Variants in ZBTB1 observed in about 807,000 individuals in gnomAD.
ZBTB1 encodes zinc finger and BTB domain containing 1, also known as zinc finger and BTB domain-containing protein 1.
A neutral mutation model predicts 51.6 loss-of-function variants in ZBTB1; 13 were observed. The observed-to-expected ratio is 0.25, with a 90% CI of 0.16 to 0.40. The LOEUF is 0.40. Ranked by LOEUF, ZBTB1 falls within the 10% of genes least tolerant of loss-of-function variation. The pLI is 1.00. For missense variants in ZBTB1, 567 were observed against 856.5 expected (o/e 0.66, Z 4.22); for synonymous variants, 240 against 282.2 (o/e 0.85, Z 1.50).
chr14:64,519,193 G>T (rs1317011841), intron 1 of ZBTB1, among the ~76,000 whole-genome samples: 2 of 146,772 alleles, frequency 1.4e-5, no homozygotes, highest in Non-Finnish European at 1.5e-5. Flanking sequence ...TTGTCACCCA[G>T]GCTGGAGTGT....
At chr14:64,507,122 A>G (rs773256382) in intron 1 of ZBTB1, among the ~76,000 whole-genome samples, 1 of 152,218 alleles carries the variant, frequency 6.6e-6, no homozygotes, top group Non-Finnish European at 1.5e-5. Flanking sequence ...AGAGGAAACT[A>G]TTTGGTATAG....
intron 1 of ZBTB1, among the ~76,000 whole-genome samples, chr14:64,513,950 G>C (rs1315937283): frequency 6.6e-6 from 1 of 152,142 alleles, no homozygotes; most frequent in Non-Finnish European, 1.5e-5. Context: ...ATGAGCCACC[G>C]CACCGGCCTC....
intron 1 of ZBTB1, among the ~76,000 whole-genome samples, chr14:64,509,601 A>G (rs550496530): frequency 6.6e-6 from 1 of 152,218 alleles, no homozygotes; most frequent in Admixed American, 6.5e-5. Flanking sequence ...TATGATTGTG[A>G]TGTTTTCAGG....
Position 64,523,523 on chromosome 14 carries a change from T to C in ZBTB1, c.2019T>C (p.Asn673=). Reference sequence around the variant, plus strand: ...AGGTCTGCTTTCAGATATTCCCAAATAATGAACAGTTGGAGCAGCACATGG... The same window carrying C: ...AGGTCTGCTTTCAGATATTCCCAAACAATGAACAGTTGGAGCAGCACATGG... ...ICQVCFQIFP[N]NEQLEQHMDV... The change falls in exon 2 of 2, where the codon AAT becomes AAC. Residue 673 remains asparagine, a synonymous_variant. Coordinates refer to ENST00000683701, the MANE Select transcript of ZBTB1 (RefSeq NM_001123329.2). The surrounding 1 kb of genome is among the most constrained non-coding windows in gnomAD (Gnocchi z 4.5). The C allele has an allele frequency of 6.3e-7, 1 of 1,593,404 alleles. No individual in the cohort carries two copies. Among genetic ancestry groups the C allele is most frequent in the Non-Finnish European group, 8.6e-7 (1 of 1,169,222 alleles).
At chr14:64,520,205 G>A (rs573078721) in intron 1 of ZBTB1, among the ~76,000 whole-genome samples, 1 of 152,182 alleles carries the variant, frequency 6.6e-6, no homozygotes, top group East Asian at 1.9e-4. Flanking sequence ...AGGTTTCACT[G>A]TGTTAGCCAG....
intron 1 of ZBTB1, chr14:64,514,359 A>C (rs1388626404): frequency 6.6e-6 from 1 of 152,216 alleles, no homozygotes; most frequent in Non-Finnish European, 1.5e-5. Context: ...ATCATCTTCA[A>C]ATGCCTCATT....
At chr14:64,526,228 A>G (rs1354388787), downstream of ZBTB1, among the ~76,000 whole-genome samples, 1 of 152,094 alleles carries the variant, frequency 6.6e-6, no homozygotes, top group Non-Finnish European at 1.5e-5. Context: ...AATTCTTATC[A>G]AGGCAAAAAG....
intron 1 of ZBTB1, among the ~76,000 whole-genome samples, chr14:64,512,175 C>T (rs1249618290): frequency 6.6e-6 from 1 of 152,078 alleles, no homozygotes; most frequent in Non-Finnish European, 1.5e-5. Flanking sequence ...TTTAAGAGTC[C>T]TCTGAGAAGT....
In ZBTB1 at chr14:64,524,883, T is replaced by C; in HGVS notation, c.*1237T>C. On this transcript the variant is annotated 3_prime_UTR_variant, in exon 2 of 2. Coordinates refer to ENST00000683701, the MANE Select transcript of ZBTB1 (RefSeq NM_001123329.2). ...TGTTAGTTGTTGCTGACACAGGGTC[T>C]ACATAATTACATGTGAATTAAAACA... The C allele has an allele frequency of 1.0e-6, 1 of 985,400 alleles. No individual in the cohort carries two copies. Among genetic ancestry groups the C allele is most frequent in the African/African-American group, 1.7e-5 (1 of 57,366 alleles). The allele number at this position is 985,400 out of a possible 1,614,324, so 61.0% of individuals were successfully genotyped here.
chr14:64,530,819 T>TTTGG (rs2079937026), intron 2 of ZBTB1, among the ~76,000 whole-genome samples: 8 of 152,296 alleles, frequency 5.3e-5, no homozygotes, highest in Admixed American at 5.2e-4. Flanking sequence ...AAAGCCATTA[T>TTTGG]AATTTCTCAT....
intron 1 of ZBTB1, among the ~76,000 whole-genome samples, chr14:64,515,453 G>T (rs12589947): frequency 0.17 from 26,140 of 151,290 alleles, 2,589 homozygotes; most frequent in Non-Finnish European, 0.22. Flanking sequence ...TCAAAAAAAT[G>T]AAAAAAGAGC....
At chr14:64,521,377 A>C in intron 1 of ZBTB1, 110 bp from the exon 2 acceptor site, 1 of 732,568 alleles carries the variant, frequency 1.4e-6, no homozygotes, top group Non-Finnish European at 2.0e-6. Context: ...GAAAGCTCTT[A>C]ATTTCTTGAT....
At chr14:64,531,712 T>A in intron 2 of ZBTB1, 8 of 786,822 alleles carry the variant, frequency 1.0e-5, no homozygotes, top group Non-Finnish European at 1.2e-5. Context: ...CTAGGGGCTA[T>A]GCTTGTGTTT....
rs550532237 is a variant in ZBTB1 at position 64,518,584 on chromosome 14, C to T, written c.-18-2903C>T. 3.3e-5 allele frequency: 5 copies of T among 152,118 alleles called. No individual in the cohort carries two copies. The South Asian group carries it at 1.0e-3, about 32-fold the overall frequency. 9.4% of individuals were successfully genotyped at this position (152,118 alleles called of 1,614,324 possible). On this transcript the variant is annotated intron_variant, in intron 1 of 1. Coordinates refer to ENST00000683701, the MANE Select transcript of ZBTB1 (RefSeq NM_001123329.2). ...AAATAGAAGTACGTAAACGTAGATA[C>T]CCTTAATTACTACTACAGAGCTTGA...
chr14:64,510,545 G>A (rs976873343), intron 1 of ZBTB1, among the ~76,000 whole-genome samples: 5 of 152,168 alleles, frequency 3.3e-5, no homozygotes, highest in Admixed American at 2.0e-4. Flanking sequence ...CAGACCCAAA[G>A]AACCAATCGG....
intron 2 of ZBTB1, among the ~76,000 whole-genome samples, chr14:64,530,845 C>T (rs751205321): frequency 1.1e-4 from 17 of 151,532 alleles, no homozygotes; most frequent in Admixed American, 2.6e-4. Flanking sequence ...ATCTCAATTG[C>T]TGACCAAAAA....
chr14:64,528,995 C>G (rs2079924395), downstream of ZBTB1, among the ~76,000 whole-genome samples: 1 of 152,168 alleles, frequency 6.6e-6, no homozygotes, highest in Admixed American at 6.5e-5. Context: ...AGATTGTGCT[C>G]CTTGTTCATC....
At chr14:64,512,888 A>G (rs902320854) in intron 1 of ZBTB1, among the ~76,000 whole-genome samples, 5 of 152,142 alleles carry the variant, frequency 3.3e-5, no homozygotes, top group Non-Finnish European at 5.9e-5. Context: ...ATGTGACATT[A>G]TTTTTATAGA....
downstream of ZBTB1, among the ~76,000 whole-genome samples, chr14:64,529,282 C>A: frequency 6.6e-6 from 1 of 152,200 alleles, no homozygotes; most frequent in Admixed American, 6.5e-5. Context: ...TGTCTGTGAC[C>A]TTTTCTTCCT....
Sources: gnomAD v4.1 joint callset for allele counts (sites outside exome capture counted in the v4.1 genomes callset) on GRCh38, gnomAD v4.1.1 for gene constraint, Gnocchi (gnomAD v3.1) non-coding constraint, MANE v1.5 for transcripts, NCBI Gene and HGNC (gene_info 2026-07-23, HGNC 2026-07-21) for gene names.